Variants in PIWIL2 observed in about 807,000 individuals in gnomAD.
The protein encoded by PIWIL2 is piwi like RNA-mediated gene silencing 2.
PIWIL2 carries 81 observed loss-of-function variants against 116.5 expected under a neutral mutation model. That is an observed-to-expected ratio of 0.70 (90% CI 0.58 to 0.84). PIWIL2 has a LOEUF of 0.84. PIWIL2 is among the 40% of genes least tolerant of loss of function. The pLI is 0.00. For synonymous variants in PIWIL2, 489 were observed against 429.5 expected (o/e 1.14, Z -1.71); for missense variants, 1,272 against 1,212.3 (o/e 1.05, Z -0.73).
intron 20 of PIWIL2, among the ~76,000 whole-genome samples, chr8:22,338,497 C>T (rs182604410): frequency 6.6e-6 from 1 of 152,162 alleles, no homozygotes; most frequent in Admixed American, 6.5e-5. Context: ...TTGAGACCAG[C>T]CTGGCCAACA....
At chr8:22,343,974 T>C (rs1325775026) in intron 20 of PIWIL2, among the ~76,000 whole-genome samples, 1 of 152,242 alleles carries the variant, frequency 6.6e-6, no homozygotes, top group Non-Finnish European at 1.5e-5. Flanking sequence ...CTGCCAGAAC[T>C]TGGAAACAGA....
At chr8:22,345,023 G>A (rs1318983087) in intron 20 of PIWIL2, among the ~76,000 whole-genome samples, 1 of 152,084 alleles carries the variant, frequency 6.6e-6, no homozygotes, top group East Asian at 1.9e-4. Flanking sequence ...TCCTTAAAAA[G>A]TTAAGCATGC....
chr8:22,293,169 A>G (rs1830803689), intron 10 of PIWIL2, among the ~76,000 whole-genome samples: 1 of 151,974 alleles, frequency 6.6e-6, no homozygotes, highest in African/African-American at 2.4e-5. Flanking sequence ...TTGGCCAGGG[A>G]TGGTCTGGTT....
At position 22,304,015 on chromosome 8, in the gene PIWIL2, C is replaced by G; in HGVS notation, c.1182-6C>G. 1 of 1,604,014 alleles carries G rather than the reference C, an allele frequency of 6.2e-7. No individual in the cohort carries two copies. The highest frequency in any genetic ancestry group is 8.5e-7 in the Non-Finnish European group (1 of 1,173,412). On this transcript the variant is annotated splice_polypyrimidine_tract_variant and splice_region_variant and intron_variant, in intron 10 of 22. Transcript: ENST00000356766. ...TGATCCAAAAGTCTTTTATCTCTTT[C>G]CAAAGGCATGCCATTTATCAGCAGA...
At chr8:22,307,877 A>C in intron 13 of PIWIL2, 56 bp from the exon 14 acceptor site, 1 of 1,419,068 alleles carries the variant, frequency 7.0e-7, no homozygotes, top group Admixed American at 2.0e-5. Flanking sequence ...GGGTTTATTT[A>C]ACTTCATATT....
chr8:22,334,519 CAAA>C (rs71544878), intron 20 of PIWIL2, among the ~76,000 whole-genome samples: 1 of 132,272 alleles, frequency 7.6e-6, no homozygotes, highest in Non-Finnish European at 1.6e-5. Flanking sequence ...GAGTCCGTCT[CAAA>C]AAAAAAAAAA....
intron 19 of PIWIL2, 137 bp downstream of exon 19, chr8:22,316,470 G>T: frequency 9.8e-6 from 6 of 615,190 alleles, no homozygotes; most frequent in East Asian, 3.1e-5. Flanking sequence ...CTATCTTCAT[G>T]TGAATTTTTT....
intron 20 of PIWIL2, among the ~76,000 whole-genome samples, chr8:22,351,460 T>TATAA (rs1554507112): frequency 3.4e-5 from 3 of 87,980 alleles, no homozygotes; most frequent in African/African-American, 1.6e-4. Context: ...TATATATATA[T>TATAA]ATATATATAT....
At chr8:22,295,478 C>G (rs187344421) in intron 10 of PIWIL2, among the ~76,000 whole-genome samples, 1 of 152,270 alleles carries the variant, frequency 6.6e-6, no homozygotes, top group African/African-American at 2.4e-5. Context: ...GTCCAAATAC[C>G]ACATTTTTGG....
intron 20 of PIWIL2, among the ~76,000 whole-genome samples, chr8:22,337,062 TAAG>T (rs1421155184): frequency 6.6e-6 from 1 of 152,128 alleles, no homozygotes; most frequent in Non-Finnish European, 1.5e-5. Flanking sequence ...TATATTTAAA[TAAG>T]AAACCAGTTT....
chr8:22,287,649 A>C lies in PIWIL2; in HGVS notation c.861+4A>C, dbSNP rs1403945882. The stretch of plus-strand genomic sequence containing the variant: ...TCTGCCTGTTAAGCTTCAACAAGTG[A>C]GACCAAACAGGAAATGGACTTTGAG... On this transcript the variant is annotated splice_donor_region_variant and intron_variant, in intron 7 of 22. Transcript: ENST00000356766. 6.5e-7 allele frequency: 1 copy of C among 1,535,488 alleles called. No individual in the cohort carries two copies. Among genetic ancestry groups the C allele is most frequent in the Non-Finnish European group, 9.0e-7 (1 of 1,108,112 alleles).
At position 22,287,559 on chromosome 8, in the gene PIWIL2, G is replaced by A. The variant is rs772211560; in HGVS notation, c.775G>A (p.Gly259Ser). 7.4e-6 allele frequency: 12 copies of A among 1,613,448 alleles called. No homozygotes were observed. Among genetic ancestry groups the A allele is most frequent in the Admixed American group, 5.0e-5 (3 of 59,998 alleles). ...TGTGGAGTGCAAAAGCATGAGGTTC[G>A]GCATGTTGAAGGACCATCAAGCTGT... is the stretch of plus-strand genomic sequence containing the variant. ...PNVECKSMRFGMLKDHQAVTG... is the reference protein window; with the variant it reads ...PNVECKSMRFSMLKDHQAVTG... The change falls in exon 7 of 23, where the codon GGC (glycine) becomes AGC (serine). Residue 259 changes from glycine (G) to serine (S), a missense_variant. Coordinates refer to ENST00000356766, the MANE Select transcript of PIWIL2 (RefSeq NM_018068.5).
At position 22,355,795 on chromosome 8, in the gene PIWIL2, C is replaced by T. The variant is rs113813799; in HGVS notation, c.*290C>T. Reference sequence around the variant, plus strand: ...TGGGGGACCATTAAGACCTCCAGACCGGGTGCGGTGGTTCACACCTGTAAT... The same window carrying T: ...TGGGGGACCATTAAGACCTCCAGACTGGGTGCGGTGGTTCACACCTGTAAT... On this transcript the variant is annotated 3_prime_UTR_variant, in exon 23 of 23. Coordinates refer to ENST00000356766, the MANE Select transcript of PIWIL2 (RefSeq NM_018068.5). 8 of 359,474 alleles carry T rather than the reference C, an allele frequency of 2.2e-5. No individual in the cohort carries two copies. Among genetic ancestry groups the T allele is most frequent in the African/African-American group, 6.2e-5 (3 of 48,736 alleles). 22.3% of individuals were successfully genotyped at this position (359,474 alleles called of 1,614,324 possible).
rs577211563 is a variant in PIWIL2 at position 22,323,642 on chromosome 8, T to C, written c.2403+5367T>C. Among the ~76,000 whole-genome samples, 6 of 152,348 alleles carry C rather than the reference T, an allele frequency of 3.9e-5. No individual in the cohort carries two copies. In the South Asian group the frequency reaches 1.2e-3, roughly 32 times the overall value. On this transcript the variant is annotated intron_variant, in intron 20 of 22. Transcript: ENST00000356766. ...ATAAGACTTGTTTACAATGAGTTAG[T>C]TGAATCTTCCCAACAATATTAGTGT...
In PIWIL2 at chr8:22,281,121, A is replaced by T; in HGVS notation, c.200A>T (p.Glu67Val). The change falls in exon 3 of 23, where the codon GAG (glutamate) becomes GTG (valine). Residue 67 changes from glutamate to valine, a missense_variant and splice_region_variant. Glu to Val is a moderately radical substitution (Grantham distance 121). Transcript: ENST00000356766. ...ACTTTATTCTTTGACTTTCCACAGG[A>T]GTCTGTGGGTTTGGTCTCCATGTTC... ...PSTQRGPAQR[E>V]SVGLVSMFRG... The T allele has an allele frequency of 6.2e-7, 1 of 1,600,002 alleles. No individual in the cohort carries two copies. Among genetic ancestry groups the T allele is most frequent in the Non-Finnish European group, 8.5e-7 (1 of 1,171,720 alleles).
rs1832511146 is a variant in PIWIL2, at chr8:22,357,455, A to T, written c.*1950A>T. 1 of 152,234 alleles carries T rather than the reference A, an allele frequency of 6.6e-6. No homozygotes were observed. Among genetic ancestry groups the T allele is most frequent in the South Asian group, 2.1e-4 (1 of 4,834 alleles). The allele number at this position is 152,234 out of a possible 1,614,324, so 9.4% of individuals were successfully genotyped here. ...ATAATCAGAACAAATGGTTGAATAC[A>T]TTATAATACAAAAATTTCTTCACTT... On this transcript the variant is annotated 3_prime_UTR_variant, in exon 23 of 23. Coordinates refer to ENST00000356766, the MANE Select transcript of PIWIL2 (RefSeq NM_018068.5).
chr8:22,292,394 G>A (rs78017972), intron 10 of PIWIL2, among the ~76,000 whole-genome samples: 9,269 of 152,306 alleles, frequency 0.061, 348 homozygotes, highest in Admixed American at 0.092. Context: ...GGATGGTAGC[G>A]ATGGAGGTGG....
chr8:22,301,343 G>C (rs1031371411), intron 10 of PIWIL2, among the ~76,000 whole-genome samples: 2 of 151,890 alleles, frequency 1.3e-5, no homozygotes, highest in African/African-American at 4.8e-5. Context: ...CTTTCACCCA[G>C]GATGGAGTGC....
chr8:22,309,960 G>C lies in PIWIL2; in HGVS notation c.1687-1G>C, dbSNP rs377569653. The C allele has an allele frequency of 6.4e-7, 1 of 1,567,496 alleles. No individual in the cohort carries two copies. The highest frequency in any genetic ancestry group is 1.4e-5 in the African/African-American group (1 of 74,004). On this transcript the variant is annotated splice_acceptor_variant, in intron 14 of 22. Transcript: ENST00000356766. LOFTEE classifies it high-confidence loss of function. ...TCATAGATGGTTTATTTTCTGTTTAGATTGAAGGACGTGTTCTGCCAATGG... is the reference window on the plus strand; with the variant it reads ...TCATAGATGGTTTATTTTCTGTTTACATTGAAGGACGTGTTCTGCCAATGG...
Sources: allele counts gnomAD v4.1 joint callset (sites outside exome capture counted in the v4.1 genomes callset), GRCh38; gene constraint gnomAD v4.1.1; transcripts MANE v1.5; gene names NCBI Gene and HGNC (gene_info 2026-07-23, HGNC 2026-07-21).